Variants in DNAJC3 observed in about 807,000 individuals in gnomAD.
The protein encoded by DNAJC3 is DnaJ heat shock protein family (Hsp40) member C3.
In DNAJC3, 38 loss-of-function variants were observed where a neutral mutation model predicts 68.6. The observed-to-expected ratio is 0.55, with a 90% CI of 0.43 to 0.73. DNAJC3 has a LOEUF of 0.73. Ranked by LOEUF, DNAJC3 falls within the 30% of genes least tolerant of loss-of-function variation. DNAJC3 has a pLI of 0.00. For missense variants in DNAJC3, 526 were observed against 591.9 expected, an observed-to-expected ratio of 0.89 and a Z score of 1.16; for synonymous variants, 203 against 204.0, an observed-to-expected ratio of 1.00 and a Z score of 0.04.
chr13:95,713,731 G>A (rs528718403), intron 2 of DNAJC3, among the ~76,000 whole-genome samples: 1 of 152,232 alleles, frequency 6.6e-6, no homozygotes, highest in African/African-American at 2.4e-5. Flanking sequence ...TCTGTGAGAA[G>A]CATACATGTA....
intron 9 of DNAJC3, among the ~76,000 whole-genome samples, chr13:95,764,667 TATATATATATATATATAC>T (rs1197182713): frequency 1.9e-4 from 23 of 123,882 alleles, no homozygotes; most frequent in African/African-American, 6.5e-4. Flanking sequence ...TATATATATA[TATATATATATATATATAC>T]ACACACACAC....
chr13:95,707,278 G>C (rs903655879), intron 1 of DNAJC3, among the ~76,000 whole-genome samples: 1 of 152,120 alleles, frequency 6.6e-6, no homozygotes, highest in Non-Finnish European at 1.5e-5. Context: ...GTTCCTAACA[G>C]GCCATGGACT....
rs934179792 is a variant in DNAJC3, at chr13:95,763,354, A to C, written c.849-289A>C. 2.6e-5 allele frequency among the ~76,000 whole-genome samples: 4 copies of C among 152,242 alleles called. No homozygotes were observed. The South Asian group carries it at 6.2e-4, about 24-fold the overall frequency. On this transcript the variant is annotated intron_variant, in intron 7 of 11. Coordinates refer to ENST00000602402, the MANE Select transcript of DNAJC3 (RefSeq NM_006260.5). ...TTTACTCAGGTTTGGAATTCTGAGC[A>C]ATGTTTCTGTAAGGAAATTCTTCTG...
chr13:95,737,151 T>C (rs999854077), intron 4 of DNAJC3, among the ~76,000 whole-genome samples: 1 of 150,600 alleles, frequency 6.6e-6, no homozygotes, highest in Non-Finnish European at 1.5e-5. Flanking sequence ...TGAACCAGCC[T>C]TGCATCCCAG....
intron 1 of DNAJC3, among the ~76,000 whole-genome samples, chr13:95,691,857 A>G (rs1026027719): frequency 1.2e-4 from 18 of 152,256 alleles, no homozygotes; most frequent in Non-Finnish European, 7.3e-5. Flanking sequence ...GCTGGAGACC[A>G]GCCCGGCCAA....
chr13:95,789,803 G>A (rs1445154181), intron 11 of DNAJC3, among the ~76,000 whole-genome samples: 4 of 152,072 alleles, frequency 2.6e-5, no homozygotes, highest in African/African-American at 9.7e-5. Context: ...AACCTTGGCA[G>A]CATCTATTTT....
chr13:95,688,552 G>A (rs1277176708), intron 1 of DNAJC3, among the ~76,000 whole-genome samples: 1 of 144,858 alleles, frequency 6.9e-6, no homozygotes, highest in African/African-American at 2.6e-5. Context: ...GTGTTACATT[G>A]TCCCCCAGGC....
intron 4 of DNAJC3, among the ~76,000 whole-genome samples, chr13:95,738,475 A>G (rs1354217729): frequency 6.8e-6 from 1 of 146,928 alleles, no homozygotes; most frequent in Non-Finnish European, 1.5e-5. Flanking sequence ...TTTGTAGGTC[A>G]CTCAGGACTT....
At chr13:95,745,858 A>T (rs567888991) in intron 4 of DNAJC3, 1 of 152,214 alleles carries the variant, frequency 6.6e-6, no homozygotes, top group Non-Finnish European at 1.5e-5. Flanking sequence ...TTGGAACAAG[A>T]GGTAGGAACC....
intron 9 of DNAJC3, among the ~76,000 whole-genome samples, chr13:95,764,681 TATACAC>T (rs1167259091): frequency 9.1e-6 from 1 of 110,044 alleles, no homozygotes; most frequent in Non-Finnish European, 1.7e-5. Context: ...TATATATATA[TATACAC>T]ACACACACAT....
chr13:95,771,382 TG>T (rs1883154101), intron 9 of DNAJC3, among the ~76,000 whole-genome samples: 1 of 151,982 alleles, frequency 6.6e-6, no homozygotes, highest in South Asian at 2.1e-4. Flanking sequence ...GCCACTGCAG[TG>T]GGGTCTTGTA....
In DNAJC3 at chr13:95,790,938, G is replaced by C; in HGVS notation, c.1423G>C (p.Gly475Arg). ...LDAESQQGGG[G>R]NPFHRSWNSW... ...TGCAGAGAGCCAGCAAGGAGGCGGC[G>C]GCAACCCTTTCCACAGAAGCTGGAA... is the stretch of plus-strand genomic sequence containing the variant. The change falls in exon 12 of 12, where the codon GGC becomes CGC. Residue 475 changes from glycine (G) to arginine (R), a missense_variant. Transcript: ENST00000602402. 6.2e-7 allele frequency: 1 copy of C among 1,610,016 alleles called. No individual in the cohort carries two copies. Among genetic ancestry groups the C allele is most frequent in the Non-Finnish European group, 8.5e-7 (1 of 1,179,096 alleles).
intron 11 of DNAJC3, 72 bp downstream of exon 11, chr13:95,787,227 G>T: frequency 1.9e-6 from 3 of 1,548,500 alleles, no homozygotes; most frequent in Non-Finnish European, 2.6e-6. Context: ...CATGTGGTGG[G>T]TTCTCCACGT....
chr13:95,681,105 A>G (rs1412892280), intron 1 of DNAJC3, among the ~76,000 whole-genome samples: 1 of 152,178 alleles, frequency 6.6e-6, no homozygotes, highest in Non-Finnish European at 1.5e-5. Context: ...TAAGACATGC[A>G]TTTGTGAAGC....
rs144752405 is a variant in DNAJC3 at position 95,717,751 on chromosome 13, A to G, written c.194-5491A>G. Among the ~76,000 whole-genome samples, 11 of 152,324 alleles carry G rather than the reference A, an allele frequency of 7.2e-5. No homozygotes were observed. The East Asian group carries it at 2.1e-3, about 29-fold the overall frequency. ...CTCTCATTCTCTCTTGTCTGCTGCC[A>G]TGTAAGATGTGCCTTTCGCCTTCGG... On this transcript the variant is annotated intron_variant, in intron 2 of 11. Transcript: ENST00000602402.
chr13:95,749,042 A>G (rs1566497858), intron 4 of DNAJC3, among the ~76,000 whole-genome samples: 1 of 152,230 alleles, frequency 6.6e-6, no homozygotes, highest in East Asian at 1.9e-4. Flanking sequence ...GGAGCTATCA[A>G]TTATAAGACA....
rs112155727 is a variant in DNAJC3, at chr13:95,763,647, A to G, written c.853A>G (p.Thr285Ala). 11 of 1,613,342 alleles carry G rather than the reference A, an allele frequency of 6.8e-6. No homozygotes were observed. Among genetic ancestry groups the G allele is most frequent in the Non-Finnish European group, 9.3e-6 (11 of 1,179,606 alleles). Reference sequence around the variant, plus strand: ...CATGATTTGCTCATTTCTTAGATACACAGATGCTACCAGCAAATATGAATC... The same window carrying G: ...CATGATTTGCTCATTTCTTAGATACGCAGATGCTACCAGCAAATATGAATC... ...AEELIRDGRYTDATSKYESVM... is the reference protein window; with the variant it reads ...AEELIRDGRYADATSKYESVM... Residue 285 changes from threonine (T) to alanine (A), a missense_variant, in exon 8 of 12, where the codon ACA (threonine) becomes GCA (alanine). By Grantham distance (58) the Thr-to-Ala change is moderately conservative. Coordinates refer to ENST00000602402, the MANE Select transcript of DNAJC3 (RefSeq NM_006260.5).
chr13:95,684,864 A>G (rs1880029561), intron 1 of DNAJC3, among the ~76,000 whole-genome samples: 1 of 152,272 alleles, frequency 6.6e-6, no homozygotes, highest in South Asian at 2.1e-4. Context: ...TTAAGCCTGC[A>G]GGTGCTGAAA....
chr13:95,752,648 T>C (rs763666992), intron 4 of DNAJC3, among the ~76,000 whole-genome samples: 8 of 152,212 alleles, frequency 5.3e-5, no homozygotes, highest in Non-Finnish European at 1.2e-4. Context: ...ATTAATTAAC[T>C]TACAGCACTC....
Sources: allele counts gnomAD v4.1 joint callset (sites outside exome capture counted in the v4.1 genomes callset), GRCh38; gene constraint gnomAD v4.1.1; transcripts MANE v1.5; gene names NCBI Gene and HGNC (gene_info 2026-07-23, HGNC 2026-07-21).